TG: variants seen among roughly 807,000 people sequenced by gnomAD.
The protein encoded by TG is thyroglobulin, also known as thyroid hormones.
A neutral mutation model predicts 324.7 loss-of-function variants in TG; 270 were observed. The observed-to-expected ratio is 0.83, with a 90% CI of 0.75 to 0.92. The LOEUF (loss-of-function observed/expected upper bound fraction) is 0.92. Ranked by LOEUF, TG falls within the 40% of genes least tolerant of loss-of-function variation. The pLI is 0.00. For synonymous variants in TG, 1,401 were observed against 1,327.0 expected, an observed-to-expected ratio of 1.06 and a Z score of -1.21; for missense variants, 3,591 against 3,456.4, an observed-to-expected ratio of 1.04 and a Z score of -0.98.
chr8:133,067,886 GT>G (rs1564145561), intron 41 of TG, among the ~76,000 whole-genome samples: 3 of 29,800 alleles, frequency 1.0e-4, no homozygotes, highest in Non-Finnish European at 2.3e-4. Flanking sequence ...AAGGAAGGAA[GT>G]ATGTATGGAA....
intron 41 of TG, among the ~76,000 whole-genome samples, chr8:133,065,183 C>T (rs1842880155): frequency 6.6e-6 from 1 of 152,196 alleles, no homozygotes; most frequent in Non-Finnish European, 1.5e-5. Context: ...AGAACACCCC[C>T]ATCCCACAAT....
At chr8:133,070,196 G>A (rs186442516) in intron 41 of TG, among the ~76,000 whole-genome samples, 17 of 152,170 alleles carry the variant, frequency 1.1e-4, no homozygotes, top group Admixed American at 8.5e-4. Flanking sequence ...CTCCCACCAT[G>A]CTGACTTCCA....
At chr8:132,905,048 G>T (rs949994263) in intron 16 of TG, among the ~76,000 whole-genome samples, 2 of 152,192 alleles carry the variant, frequency 1.3e-5, no homozygotes, top group Non-Finnish European at 2.9e-5. Context: ...CCATAGGGTT[G>T]TGGGGAACAT....
chr8:132,923,758 C>T (rs1821432734), intron 22 of TG, among the ~76,000 whole-genome samples: 1 of 152,000 alleles, frequency 6.6e-6, no homozygotes, highest in Non-Finnish European at 1.5e-5. Context: ...TATCAGGAAC[C>T]CTTACTTCTA....
chr8:132,883,482 A>C (rs1271193286), intron 8 of TG, among the ~76,000 whole-genome samples: 1 of 152,168 alleles, frequency 6.6e-6, no homozygotes, highest in Non-Finnish European at 1.5e-5. Context: ...AGAAGGACAG[A>C]ATAATAGGCA....
intron 41 of TG, among the ~76,000 whole-genome samples, chr8:133,080,101 C>T (rs1845518061): frequency 6.6e-6 from 1 of 152,014 alleles, no homozygotes; most frequent in African/African-American, 2.4e-5. Context: ...GGAACTCTCC[C>T]CTTAGAAAGG....
intron 8 of TG, among the ~76,000 whole-genome samples, chr8:132,884,144 A>G (rs2132139883): frequency 6.6e-6 from 1 of 152,364 alleles, no homozygotes; most frequent in South Asian, 2.1e-4. Context: ...TGATCCAGTC[A>G]GACATCATCT....
Position 133,050,893 on chromosome 8 carries a change from G to A in TG, c.7239+20870G>A, listed in dbSNP as rs147518846. On this transcript the variant is annotated intron_variant, in intron 41 of 47. Coordinates refer to ENST00000220616, the MANE Select transcript of TG (RefSeq NM_003235.5). ...CAGGAGACGGGTAGTCACTTAGCAC[G>A]GCAAGGAAGTCGCTATCCAGTCCTG... is the stretch of plus-strand genomic sequence containing the variant. 4.6e-5 allele frequency: 74 copies of A among 1,613,294 alleles called. No individual in the cohort carries two copies. The Admixed American group carries it at 6.2e-4, about 13-fold the overall frequency.
intron 43 of TG, among the ~76,000 whole-genome samples, chr8:133,107,919 C>T (rs983702367): frequency 9.2e-5 from 14 of 151,842 alleles, no homozygotes; most frequent in East Asian, 3.9e-4. Flanking sequence ...AAGGAGTTTC[C>T]GCAGAACCCA....
chr8:133,105,917 T>C (rs1358367294), intron 43 of TG, among the ~76,000 whole-genome samples: 1 of 151,652 alleles, frequency 6.6e-6, no homozygotes, highest in Non-Finnish European at 1.5e-5. Flanking sequence ...TTGATGGAGG[T>C]TGGGGTAGCC....
intron 41 of TG, among the ~76,000 whole-genome samples, chr8:133,060,868 T>C (rs890966183): frequency 3.3e-5 from 5 of 152,208 alleles, no homozygotes; most frequent in Admixed American, 6.5e-5. Context: ...TGAGGTCACA[T>C]GGCAAGTAAT....
At chr8:133,009,121 A>T (rs897273385) in intron 35 of TG, among the ~76,000 whole-genome samples, 2 of 152,206 alleles carry the variant, frequency 1.3e-5, no homozygotes, top group African/African-American at 4.8e-5. Context: ...CTTTAATTAT[A>T]GTGCTTTCTC....
chr8:132,902,429 C>T (rs1267231551), intron 16 of TG, among the ~76,000 whole-genome samples: 1 of 152,066 alleles, frequency 6.6e-6, no homozygotes, highest in Non-Finnish European at 1.5e-5. Context: ...AAGAGTCCCC[C>T]CACTCTCATT....
At chr8:132,924,887 C>T (rs1821613026) in intron 22 of TG, among the ~76,000 whole-genome samples, 2 of 152,298 alleles carry the variant, frequency 1.3e-5, no homozygotes, top group Middle Eastern at 3.4e-3. Flanking sequence ...CCTGTTTCCC[C>T]ATCTGTTAAA....
intron 35 of TG, 74 bp from the exon 36 acceptor site, chr8:133,011,827 T>G (rs1192116568): frequency 6.2e-7 from 1 of 1,606,196 alleles, no homozygotes; most frequent in East Asian, 2.2e-5. Context: ...TTGGGGATAT[T>G]GGGTAATACA....
intron 16 of TG, among the ~76,000 whole-genome samples, chr8:132,905,799 A>G (rs944807232): frequency 6.6e-6 from 1 of 152,174 alleles, no homozygotes; most frequent in Non-Finnish European, 1.5e-5. Flanking sequence ...CAAAAAAAAG[A>G]AGACCTAAGT....
chr8:132,915,108 T>C (rs1820099742), intron 20 of TG, among the ~76,000 whole-genome samples: 1 of 152,166 alleles, frequency 6.6e-6, no homozygotes, highest in South Asian at 2.1e-4. Context: ...CACATGTGTA[T>C]GTTGTGTGTG....
rs770690968 is a variant in TG at position 132,911,371 on chromosome 8, T to A, written c.4003-6T>A. On this transcript the variant is annotated splice_polypyrimidine_tract_variant and splice_region_variant and intron_variant, in intron 18 of 47. Coordinates refer to ENST00000220616, the MANE Select transcript of TG (RefSeq NM_003235.5). ...TCTTGAGCTGAAAGTGTCTGTCTTC[T>A]TGTAGGTGAAGACTTTTGGCACCCT... The A allele has an allele frequency of 2.5e-6, 4 of 1,614,212 alleles. No individual in the cohort carries two copies. The South Asian group carries it at 4.4e-5, about 18-fold the overall frequency.
intron 31 of TG, 62 bp from the exon 32 acceptor site, chr8:132,969,396 C>A: frequency 8.6e-7 from 1 of 1,161,730 alleles, no homozygotes; most frequent in South Asian, 1.2e-5. Context: ...CTCATTTGTC[C>A]TCATATTTTC....
Sources: gnomAD v4.1 joint callset for allele counts (sites outside exome capture counted in the v4.1 genomes callset) on GRCh38, gnomAD v4.1.1 for gene constraint, MANE v1.5 for transcripts, NCBI Gene and HGNC (gene_info 2026-07-23, HGNC 2026-07-21) for gene names.